The following ZSCAN5A variants were observed in gnomAD, a reference collection of about 807,000 sequenced individuals.
ZSCAN5A encodes zinc finger and SCAN domain containing 5A.
In ZSCAN5A, 12 loss-of-function variants were observed where a neutral mutation model predicts 23.7. That is an observed-to-expected ratio of 0.51 (90% CI 0.32 to 0.82). ZSCAN5A has a LOEUF of 0.82. ZSCAN5A is among the 40% of genes least tolerant of loss of function. The pLI, the probability that ZSCAN5A is intolerant of heterozygous loss-of-function variation, is 0.03. For missense variants in ZSCAN5A, 597 were observed against 617.9 expected, an observed-to-expected ratio of 0.97 and a Z score of 0.36; for synonymous variants, 257 against 239.9, an observed-to-expected ratio of 1.07 and a Z score of -0.66.
intron 2 of ZSCAN5A, chr19:56,247,248 A>G: frequency 2.4e-6 from 1 of 408,762 alleles, no homozygotes; most frequent in Non-Finnish European, 4.6e-6. Context: ...TCTGTCACAA[A>G]CGGTTCAACA....
At chr19:56,323,836 G>A (rs1320239135) in intron 2 of ZSCAN5A, among the ~76,000 whole-genome samples, 1 of 150,368 alleles carries the variant, frequency 6.7e-6, no homozygotes, top group Non-Finnish European at 1.5e-5. Context: ...ATGCCTGGCC[G>A]GCAGAACTTT....
chr19:56,257,490 G>A (rs1443661871), intron 2 of ZSCAN5A, among the ~76,000 whole-genome samples: 1 of 152,194 alleles, frequency 6.6e-6, no homozygotes, highest in Non-Finnish European at 1.5e-5. Context: ...CCTGGCTGAA[G>A]AGCTGGTCCC....
At chr19:56,227,886 T>A (rs2034100855) in intron 2 of ZSCAN5A, among the ~76,000 whole-genome samples, 1 of 151,648 alleles carries the variant, frequency 6.6e-6, no homozygotes, top group African/African-American at 2.4e-5. Flanking sequence ...AGACCCCATC[T>A]CTGCAAAAAA....
intron 2 of ZSCAN5A, among the ~76,000 whole-genome samples, chr19:56,323,433 C>T (rs2041400237): frequency 6.6e-6 from 1 of 151,912 alleles, no homozygotes; most frequent in South Asian, 2.1e-4. Context: ...CTTGGCCTGC[C>T]AAAGTGCTGG....
intron 2 of ZSCAN5A, among the ~76,000 whole-genome samples, chr19:56,327,461 A>G (rs889636781): frequency 1.3e-5 from 2 of 150,514 alleles, no homozygotes; most frequent in African/African-American, 4.9e-5. Flanking sequence ...TTAATAATAC[A>G]TTTACTATGT....
At chr19:56,338,154 CA>C (rs1431109142) in intron 2 of ZSCAN5A, 1 of 150,834 alleles carries the variant, frequency 6.6e-6, no homozygotes, top group African/African-American at 2.5e-5. Flanking sequence ...GCCAATATCT[CA>C]TTTTTTTTTT....
intron 2 of ZSCAN5A, chr19:56,283,273 T>C (rs1480585919): frequency 1.3e-5 from 2 of 151,402 alleles, no homozygotes; most frequent in African/African-American, 4.9e-5. Flanking sequence ...TTATTATTAT[T>C]ACGTACTTCA....
chr19:56,289,107 A>G (rs1306450234), intron 2 of ZSCAN5A, among the ~76,000 whole-genome samples: 2 of 152,128 alleles, frequency 1.3e-5, no homozygotes, highest in Non-Finnish European at 2.9e-5. Context: ...GCAAGGGGAG[A>G]GTGGGAAAGG....
intron 2 of ZSCAN5A, among the ~76,000 whole-genome samples, chr19:56,227,635 A>G (rs562083116): frequency 6.6e-6 from 1 of 152,364 alleles, no homozygotes; most frequent in East Asian, 1.9e-4. Context: ...TTCTGGGAGT[A>G]TATACCACAC....
chr19:56,329,752 T>C (rs940595110), intron 2 of ZSCAN5A, among the ~76,000 whole-genome samples: 1 of 152,230 alleles, frequency 6.6e-6, no homozygotes, highest in Non-Finnish European at 1.5e-5. Context: ...AATATCTTAT[T>C]TTGTTCTTTG....
chr19:56,310,796 C>T (rs2040991407), intron 2 of ZSCAN5A, among the ~76,000 whole-genome samples: 1 of 152,222 alleles, frequency 6.6e-6, no homozygotes, highest in South Asian at 2.1e-4. Flanking sequence ...GTTCCTTGTC[C>T]TGGTTGAAAG....
At chr19:56,224,150 C>T (rs1259832033) in intron 3 of ZSCAN5A, among the ~76,000 whole-genome samples, 1 of 151,912 alleles carries the variant, frequency 6.6e-6, no homozygotes, top group Admixed American at 6.5e-5. Context: ...GATGGCAGCT[C>T]ACCTTGTATT....
intron 2 of ZSCAN5A, among the ~76,000 whole-genome samples, chr19:56,292,626 C>A (rs1053607153): frequency 2.0e-5 from 3 of 152,038 alleles, no homozygotes; most frequent in Admixed American, 2.0e-4. Flanking sequence ...GCCCTTGGTA[C>A]ACACACAATG....
At chr19:56,273,984 T>A (rs1177389229) in intron 2 of ZSCAN5A, among the ~76,000 whole-genome samples, 1 of 152,054 alleles carries the variant, frequency 6.6e-6, no homozygotes, top group Non-Finnish European at 1.5e-5. Context: ...GTTTTGGTCA[T>A]CAGGGTGAAG....
chr19:56,336,088 C>T (rs12975943), intron 2 of ZSCAN5A, among the ~76,000 whole-genome samples: 14,036 of 151,914 alleles, frequency 0.092, 409 homozygotes, highest in South Asian at 0.15. Context: ...CAAGGAGTAT[C>T]TTTGTGGCAT....
chr19:56,234,327 C>T (rs935942238), intron 2 of ZSCAN5A, among the ~76,000 whole-genome samples: 1 of 152,164 alleles, frequency 6.6e-6, no homozygotes, highest in Admixed American at 6.5e-5. Context: ...AAAACGTTTG[C>T]AGCCATGCAG....
intron 2 of ZSCAN5A, among the ~76,000 whole-genome samples, chr19:56,267,962 C>A (rs1481457853): frequency 6.6e-6 from 1 of 152,202 alleles, no homozygotes; most frequent in Non-Finnish European, 1.5e-5. Context: ...GTGGAGGGAG[C>A]TGAGGTTTGA....
rs986319839 is a variant in ZSCAN5A, at chr19:56,221,779, A to C, written c.1287T>G (p.Cys429Trp). 6.2e-7 allele frequency: 1 copy of C among 1,614,080 alleles called. No individual in the cohort carries two copies. The highest frequency in any genetic ancestry group is 8.5e-7 in the Non-Finnish European group (1 of 1,179,988). ...TCTCCCCTGTGTGGCTTCTCTTGTG[A>C]CACTTCAAGTAGGACTTCTGGGTGA... ...KQFTQKSYLK[C>W]HKRSHTGEKP... The change falls in exon 6 of 6, where the codon TGT becomes TGG. Residue 429 changes from cysteine to tryptophan, a missense_variant. Physicochemically the swap from Cys to Trp is radical, Grantham distance 215 (BLOSUM62 -2). Coordinates refer to ENST00000683990, the MANE Select transcript of ZSCAN5A (RefSeq NM_001322064.3).
rs370333823 is a variant in ZSCAN5A at position 56,270,215 on chromosome 19, C to T, written c.-128+43068G>A. On this transcript the variant is annotated intron_variant, in intron 2 of 5. Transcript: ENST00000683990. The stretch of plus-strand genomic sequence containing the variant: ...TGGGTGGATCACGAGGTCAGGAGTT[C>T]GAGACCAGCCTGGCCAACATGGTGA... Among the ~76,000 whole-genome samples the T allele has an allele frequency of 1.4e-3, 211 of 150,874 alleles. 4 individuals are homozygous for T. The South Asian group carries it at 0.031, about 22-fold the overall frequency.
Sources: allele counts gnomAD v4.1 joint callset (sites outside exome capture counted in the v4.1 genomes callset), GRCh38; gene constraint gnomAD v4.1.1; transcripts MANE v1.5; gene names NCBI Gene and HGNC (gene_info 2026-07-23, HGNC 2026-07-21).